The following PRSS54 variants were observed in gnomAD, a reference collection of about 807,000 sequenced individuals.
The protein encoded by PRSS54 is inactive serine protease 54.
PRSS54 carries 16 observed loss-of-function variants against 19.9 expected under a neutral mutation model. The ratio of observed to expected loss-of-function variants is 0.80; its 90% CI spans 0.54 to 1.22. The LOEUF (loss-of-function observed/expected upper bound fraction) is 1.22. Ranked by LOEUF, PRSS54 falls within the 50% of genes most tolerant of loss-of-function variation. PRSS54 has a pLI of 0.00. For missense variants in PRSS54, 444 were observed against 494.8 expected (o/e 0.90, Z 0.97); for synonymous variants, 177 against 195.8 (o/e 0.90, Z 0.80).
At position 58,280,101 on chromosome 16, in the gene PRSS54, C is replaced by A; in HGVS notation, c.*123G>T. ...GAGGGAGAGCCAGCCCAGTGTATGC[C>A]ATGGGCTTATCCGTGGCAGCCCCAG... On this transcript the variant is annotated 3_prime_UTR_variant, in exon 7 of 7. Transcript: ENST00000567164. 1.0e-6 allele frequency: 1 copy of A among 974,656 alleles called. No homozygotes were observed. The highest frequency in any genetic ancestry group is 1.5e-6 in the Non-Finnish European group (1 of 651,682). The allele number at this position is 974,656 out of a possible 1,614,324, so 60.4% of individuals were successfully genotyped here.
Position 58,280,049 on chromosome 16 carries a change from C to T in PRSS54, c.*175G>A. On this transcript the variant is annotated 3_prime_UTR_variant, in exon 7 of 7. Transcript: ENST00000567164. Reference sequence around the variant, plus strand: ...AGTTCACAAGCATAGTGAAAGTGACCTTCCCACACCTGGGAGAGGGATAGA... The same window carrying T: ...AGTTCACAAGCATAGTGAAAGTGACTTTCCCACACCTGGGAGAGGGATAGA... 1 of 671,484 alleles carries T rather than the reference C, an allele frequency of 1.5e-6. No individual in the cohort carries two copies. Among genetic ancestry groups the T allele is most frequent in the Admixed American group, 2.9e-5 (1 of 34,254 alleles). 41.6% of individuals were successfully genotyped at this position (671,484 alleles called of 1,614,324 possible). A position where few individuals can be genotyped will look rare whatever the true frequency, so the allele number is the denominator to read the frequency against.
chr16:58,290,884 G>A, intron 4 of PRSS54, 75 bp downstream of exon 4: 2 of 1,533,212 alleles, frequency 1.3e-6, no homozygotes, highest in East Asian at 2.3e-5. Flanking sequence ...GGCCTCCCCA[G>A]GCTGAGCAGG....
chr16:58,284,130 ATT>A (rs5817139), intron 6 of PRSS54, among the ~76,000 whole-genome samples: 3 of 151,910 alleles, frequency 2.0e-5, no homozygotes. Context: ...ACTTCTACAC[ATT>A]TTTTTTTGAG....
rs562622597 is a variant in PRSS54 at position 58,286,070 on chromosome 16, A to T, written c.389T>A (p.Ile130Lys). 1 of 1,614,194 alleles carries T rather than the reference A, an allele frequency of 6.2e-7. No homozygotes were observed. Among genetic ancestry groups the T allele is most frequent in the African/African-American group, 1.3e-5 (1 of 75,050 alleles). Reference sequence around the variant, plus strand: ...CGCTGTGTCTGTCTTCAGGAGGGCTATGTTGTTGCTCATGGAGTTGTTATC... The same window carrying T: ...CGCTGTGTCTGTCTTCAGGAGGGCTTTGTTGTTGCTCATGGAGTTGTTATC... Reference protein sequence around the residue: ...DFDNNSMSNNIALLKTDTAMH... With the variant: ...DFDNNSMSNNKALLKTDTAMH... Residue 130 changes from isoleucine to lysine, a missense_variant, in exon 5 of 7, where the codon ATA becomes AAA. Coordinates refer to ENST00000567164, the MANE Select transcript of PRSS54 (RefSeq NM_001305173.2).
Position 58,284,680 on chromosome 16 carries a change from G to A in PRSS54, c.564C>T (p.Phe188=), listed in dbSNP as rs112388224. ...GGGGACACATGTCAAGATCTTTCACGAAGATTTTCCTCAGGACACTCATCG... is the reference window on the plus strand; with the variant it reads ...GGGGACACATGTCAAGATCTTTCACAAAGATTTTCCTCAGGACACTCATCG... ...HMTMSVLRKI[F]VKDLDMCPLY... is the part of the protein sequence containing the mutation. The change falls in exon 6 of 7, where the codon TTC becomes TTT. Residue 188 remains phenylalanine (F), a synonymous_variant. Transcript: ENST00000567164. 1.6e-4 allele frequency: 258 copies of A among 1,614,040 alleles called. No homozygotes were observed. The African/African-American group carries it at 2.5e-3, about 16-fold the overall frequency.
chr16:58,294,724 A>T (rs1403557026), intron 1 of PRSS54, among the ~76,000 whole-genome samples, 163 bp downstream of exon 1: 1 of 152,178 alleles, frequency 6.6e-6, no homozygotes, highest in East Asian at 1.9e-4. Flanking sequence ...CATTTAGCTT[A>T]GTTCATTTGC....
At chr16:58,285,893 G>A in intron 5 of PRSS54, 44 bp downstream of exon 5, 1 of 1,607,302 alleles carries the variant, frequency 6.2e-7, no homozygotes, top group Non-Finnish European at 8.5e-7. Flanking sequence ...CACCCCCACT[G>A]CCAGCACACA....
intron 6 of PRSS54, chr16:58,281,107 G>A (rs1199371589): frequency 1.3e-5 from 3 of 239,686 alleles, no homozygotes; most frequent in Admixed American, 5.0e-5. Flanking sequence ...GTCCTGAAAT[G>A]CTCACATTTT....
At chr16:58,290,933 C>T (rs1295770659) in intron 4 of PRSS54, 26 bp downstream of exon 4, 2 of 1,610,168 alleles carry the variant, frequency 1.2e-6, no homozygotes, top group African/African-American at 1.3e-5. Context: ...GGCGATGTTG[C>T]GGGCCCCAAA....
intron 4 of PRSS54, 85 bp from the exon 5 acceptor site, chr16:58,286,280 G>C: frequency 7.1e-7 from 1 of 1,409,794 alleles, no homozygotes; most frequent in Non-Finnish European, 9.9e-7. Flanking sequence ...AGTTTTTTCA[G>C]CCTGGAACAC....
At chr16:58,281,841 G>GGTATTTC (rs140163574) in intron 6 of PRSS54, 15,811 of 152,404 alleles carry the variant, frequency 0.1, 908 homozygotes, top group Admixed American at 0.13. Context: ...GTCTGTCTTG[G>GGTATTTC]TCACTCTCTC....
intron 6 of PRSS54, chr16:58,283,970 G>C (rs1158229439): frequency 1.3e-5 from 2 of 152,228 alleles, no homozygotes; most frequent in Non-Finnish European, 2.9e-5. Context: ...TCATAGAAAA[G>C]CAATTCTAGA....
chr16:58,290,672 G>A (rs935106019), intron 4 of PRSS54, among the ~76,000 whole-genome samples: 1 of 152,196 alleles, frequency 6.6e-6, no homozygotes, highest in African/African-American at 2.4e-5. Context: ...AGTGTTAGGA[G>A]CCAGTGCCTC....
At chr16:58,288,364 T>G (rs527836491) in intron 4 of PRSS54, among the ~76,000 whole-genome samples, 1 of 152,268 alleles carries the variant, frequency 6.6e-6, no homozygotes, top group Non-Finnish European at 1.5e-5. Context: ...AGACGGAGAT[T>G]GCAGTGAGCT....
rs985872405 is a variant in PRSS54 at position 58,289,474 on chromosome 16, T to C, written c.263+1485A>G. Reference sequence around the variant, plus strand: ...AATAGGCAAGAAATTGGTGACAGAATGTGGCTCAAGGGAGAAAAACTAGTG... The same window carrying C: ...AATAGGCAAGAAATTGGTGACAGAACGTGGCTCAAGGGAGAAAAACTAGTG... On this transcript the variant is annotated intron_variant, in intron 4 of 6. Transcript: ENST00000567164. Among the ~76,000 whole-genome samples, 3 of 152,198 alleles carry C rather than the reference T, an allele frequency of 2.0e-5. No homozygotes were observed. The East Asian group carries it at 5.8e-4, about 29-fold the overall frequency.
At position 58,285,932 on chromosome 16, in the gene PRSS54, T is replaced by TG; in HGVS notation, c.522+4_522+5insC. The TG allele has an allele frequency of 1.2e-6, 2 of 1,613,930 alleles. No individual in the cohort carries two copies. Among genetic ancestry groups the TG allele is most frequent in the Non-Finnish European group, 1.7e-6 (2 of 1,179,902 alleles). ...AGCCTTCTCTGGGAGGAGGAATGCCTTAACTGCAGATGTGGGATTCCATCC... is the reference window on the plus strand; with the variant it reads ...AGCCTTCTCTGGGAGGAGGAATGCCTGTAACTGCAGATGTGGGATTCCATCC... On this transcript the variant is annotated splice_donor_region_variant and intron_variant, in intron 5 of 6. Transcript: ENST00000567164.
chr16:58,287,366 A>G (rs1018940371), intron 4 of PRSS54, among the ~76,000 whole-genome samples: 3 of 152,206 alleles, frequency 2.0e-5, no homozygotes, highest in Non-Finnish European at 4.4e-5. Context: ...CAGGGAAACC[A>G]CAAGGACAGC....
At chr16:58,291,968 C>T (rs1449197856) in intron 3 of PRSS54, among the ~76,000 whole-genome samples, 4 of 151,884 alleles carry the variant, frequency 2.6e-5, no homozygotes, top group African/African-American at 4.8e-5. Context: ...CCTACTCTGT[C>T]GCCCGGCTGG....
At chr16:58,290,817 G>A (rs1302646962) in intron 4 of PRSS54, 142 bp downstream of exon 4, 8 of 891,722 alleles carry the variant, frequency 9.0e-6, no homozygotes, top group Non-Finnish European at 1.3e-5. Flanking sequence ...TAGGGCTCAC[G>A]ACAGAGCAAG....
Sources: gnomAD v4.1 joint callset for allele counts (sites outside exome capture counted in the v4.1 genomes callset) on GRCh38, gnomAD v4.1.1 for gene constraint, MANE v1.5 for transcripts, NCBI Gene and HGNC (gene_info 2026-07-23, HGNC 2026-07-21) for gene names.